ATL1: variants seen among roughly 807,000 people sequenced by gnomAD.
ATL1 encodes atlastin-1.
In ATL1, 31 loss-of-function variants were observed where a neutral mutation model predicts 75.5. The observed-to-expected ratio is 0.41, with a 90% CI of 0.31 to 0.55. The LOEUF is 0.55. Among genes scored for constraint, ATL1 ranks in the 20% least tolerant of loss-of-function variants. The probability of loss-of-function intolerance (pLI) is 0.27; values close to 1 mark genes in which losing one functional copy is unlikely to be tolerated. For synonymous variants in ATL1, 226 were observed against 233.3 expected, an observed-to-expected ratio of 0.97 and a Z score of 0.28; for missense variants, 405 against 662.6, an observed-to-expected ratio of 0.61 and a Z score of 4.27.
In ATL1 at chr14:50,572,722, G is replaced by A. The variant is rs542873285; in HGVS notation, c.34+12423G>A. On this transcript the variant is annotated intron_variant, in intron 1 of 13. Transcript: ENST00000358385. ...TCTTTTTCTGATCTATGCATTTAAG[G>A]CTATAAGTTTTTTCTACATAACAAT... Among the ~76,000 whole-genome samples, 6 of 151,994 alleles carry A rather than the reference G, an allele frequency of 3.9e-5. No homozygotes were observed. The South Asian group carries it at 1.2e-3, about 32-fold the overall frequency.
chr14:50,560,457 A>C (rs1328868088), intron 1 of ATL1, 158 bp downstream of exon 1: 11 of 993,458 alleles, frequency 1.1e-5, no homozygotes, highest in Non-Finnish European at 1.7e-5. Context: ...GGGCGGAGGA[A>C]CCATGGCCGA....
intron 1 of ATL1, among the ~76,000 whole-genome samples, chr14:50,563,153 T>G (rs1399566879): frequency 6.6e-6 from 1 of 152,222 alleles, no homozygotes. Flanking sequence ...TCTGCATTAT[T>G]GCATTTGATC....
intron 1 of ATL1, among the ~76,000 whole-genome samples, chr14:50,562,842 G>A (rs1166363378): frequency 6.6e-6 from 1 of 152,120 alleles, no homozygotes; most frequent in East Asian, 1.9e-4. Context: ...GGAGATAGAG[G>A]TTTTGGCACA....
intron 6 of ATL1, among the ~76,000 whole-genome samples, chr14:50,597,205 TC>T: frequency 3.9e-5 from 1 of 25,910 alleles, no homozygotes; most frequent in Admixed American, 3.5e-4. Context: ...CAAGACTCTG[TC>T]TCAAAAAAAC....
At chr14:50,621,815 G>A in intron 9 of ATL1, 28 bp from the exon 10 acceptor site, 1 of 1,426,766 alleles carries the variant, frequency 7.0e-7, no homozygotes, top group Non-Finnish European at 9.8e-7. Flanking sequence ...GGAATTGCTT[G>A]AACATGAATC....
intron 1 of ATL1, among the ~76,000 whole-genome samples, chr14:50,567,889 A>C (rs1337015433): frequency 1.3e-5 from 2 of 152,210 alleles, no homozygotes; most frequent in Non-Finnish European, 2.9e-5. Flanking sequence ...ATTGAGACTT[A>C]ATATGTGGAC....
At chr14:50,627,098 T>C (rs2039528513) in intron 11 of ATL1, among the ~76,000 whole-genome samples, 1 of 152,254 alleles carries the variant, frequency 6.6e-6, no homozygotes, top group Non-Finnish European at 1.5e-5. Flanking sequence ...ACTGTTGTCA[T>C]ATTTTAAGAA....
intron 13 of ATL1, 66 bp downstream of exon 13, chr14:50,630,075 T>A: frequency 8.1e-7 from 1 of 1,231,532 alleles, no homozygotes; most frequent in Non-Finnish European, 1.2e-6. Flanking sequence ...TTTTATAAAC[T>A]GACTAAGCCA....
intron 2 of ATL1, 22 bp from the exon 3 acceptor site, chr14:50,590,916 TATC>T (rs1390635647): frequency 6.2e-7 from 1 of 1,611,032 alleles, no homozygotes; most frequent in Admixed American, 1.7e-5. Flanking sequence ...TCAAGTTCCA[TATC>T]ATAGACTTTA....
At chr14:50,562,050 CT>C (rs113887466) in intron 1 of ATL1, among the ~76,000 whole-genome samples, 102 of 146,396 alleles carry the variant, frequency 7.0e-4, no homozygotes, top group Non-Finnish European at 6.1e-4. Flanking sequence ...TGGCTATAAA[CT>C]TTTTTTTTTT....
intron 1 of ATL1, among the ~76,000 whole-genome samples, chr14:50,583,901 G>A (rs1452744704): frequency 2.0e-5 from 3 of 152,142 alleles, no homozygotes; most frequent in Non-Finnish European, 2.9e-5. Flanking sequence ...GTGTGTGTTT[G>A]TGTAAAACTC....
At chr14:50,539,403 T>C (rs1165855425) in intron 1 of ATL1, among the ~76,000 whole-genome samples, 2 of 152,174 alleles carry the variant, frequency 1.3e-5, no homozygotes, top group Non-Finnish European at 2.9e-5. Flanking sequence ...CAGGCATGAA[T>C]AGAAAATCAG....
intron 1 of ATL1, among the ~76,000 whole-genome samples, chr14:50,534,675 C>CT (rs1256816723): frequency 6.6e-6 from 1 of 152,170 alleles, no homozygotes; most frequent in Non-Finnish European, 1.5e-5. Flanking sequence ...AGTCAAGACT[C>CT]TATGTGGTGG....
At chr14:50,537,133 C>T (rs1046429668) in intron 1 of ATL1, among the ~76,000 whole-genome samples, 17 of 152,314 alleles carry the variant, frequency 1.1e-4, no homozygotes, top group African/African-American at 4.1e-4. Flanking sequence ...GGCCCAGGGT[C>T]CCTGTGCTGT....
intron 6 of ATL1, among the ~76,000 whole-genome samples, chr14:50,608,955 C>T (rs993721850): frequency 4.0e-4 from 61 of 151,872 alleles, no homozygotes; most frequent in Non-Finnish European, 7.4e-4. Flanking sequence ...ACAAGAATCC[C>T]TCCTCTCCCC....
intron 11 of ATL1, among the ~76,000 whole-genome samples, chr14:50,627,235 T>C (rs954196711): frequency 3.9e-5 from 6 of 152,258 alleles, no homozygotes; most frequent in Non-Finnish European, 8.8e-5. Context: ...CTTAGCATTT[T>C]TTGCAATAAA....
Position 50,632,989 on chromosome 14 carries a change from T to G in ATL1, c.*650T>G, listed in dbSNP as rs1353600099. The G allele has an allele frequency of 6.6e-6, 1 of 152,210 alleles. No individual in the cohort carries two copies. Among genetic ancestry groups the G allele is most frequent in the African/African-American group, 2.4e-5 (1 of 41,450 alleles). 9.4% of individuals were successfully genotyped at this position (152,210 alleles called of 1,614,324 possible). The stretch of plus-strand genomic sequence containing the variant: ...ACAAAGAATGTATTCTTCATAGGTT[T>G]ATTCTTTTAATATGTGAACTATTAT... On this transcript the variant is annotated 3_prime_UTR_variant, in exon 14 of 14. Transcript: ENST00000358385.
intron 6 of ATL1, among the ~76,000 whole-genome samples, chr14:50,596,852 T>A (rs529849339): frequency 6.6e-6 from 1 of 152,016 alleles, no homozygotes; most frequent in Non-Finnish European, 1.5e-5. Context: ...GAAAAAAATA[T>A]AGCCATAAAA....
At chr14:50,546,368 G>C (rs186396772) in intron 1 of ATL1, among the ~76,000 whole-genome samples, 1 of 151,552 alleles carries the variant, frequency 6.6e-6, no homozygotes, top group African/African-American at 2.4e-5. Context: ...GGTACTGGGT[G>C]TGTGTGTGTG....
Sources: gnomAD v4.1 joint callset for allele counts (sites outside exome capture counted in the v4.1 genomes callset) on GRCh38, gnomAD v4.1.1 for gene constraint, MANE v1.5 for transcripts, NCBI Gene and HGNC (gene_info 2026-07-23, HGNC 2026-07-21) for gene names.